GLG1: variants seen among roughly 807,000 people sequenced by gnomAD.
GLG1 encodes the protein Golgi apparatus protein 1.
In GLG1, 38 loss-of-function variants were observed where a neutral mutation model predicts 160.5. The ratio of observed to expected loss-of-function variants is 0.24; its 90% CI spans 0.18 to 0.31. The LOEUF (loss-of-function observed/expected upper bound fraction) is 0.31, where lower values mean the gene tolerates loss of function less well. Among genes scored for constraint, GLG1 ranks in the 10% least tolerant of loss-of-function variants. The pLI, the probability that GLG1 is intolerant of heterozygous loss-of-function variation, is 1.00. For missense variants in GLG1, 1,373 were observed against 1,505.2 expected (o/e 0.91, Z 1.45); for synonymous variants, 644 against 543.4 (o/e 1.19, Z -2.57).
At chr16:74,541,911 TAC>T (rs2017878331) in intron 1 of GLG1, among the ~76,000 whole-genome samples, 1 of 151,652 alleles carries the variant, frequency 6.6e-6, no homozygotes, top group Non-Finnish European at 1.5e-5. Context: ...GTTTAGGATA[TAC>T]ACAGACACCT....
rs755990237 is a variant in GLG1 at position 74,448,314 on chromosome 16, G to C, written c.*4853C>G. The C allele has an allele frequency of 6.6e-6, 1 of 152,218 alleles. No individual in the cohort carries two copies. Among genetic ancestry groups the C allele is most frequent in the Non-Finnish European group, 1.5e-5 (1 of 68,058 alleles). The allele number at this position is 152,218 out of a possible 1,614,324, so 9.4% of individuals were successfully genotyped here. A position where few individuals can be genotyped will look rare whatever the true frequency, so the allele number is the denominator to read the frequency against. On this transcript the variant is annotated 3_prime_UTR_variant, in exon 26 of 26. Transcript: ENST00000422840. ...GCCCTCTAGGAACCAAAGTCTAGTGGAGAGGAGGCGAGTGGGGAGGAAGGA... is the reference window on the plus strand; with the variant it reads ...GCCCTCTAGGAACCAAAGTCTAGTGCAGAGGAGGCGAGTGGGGAGGAAGGA...
intron 1 of GLG1, among the ~76,000 whole-genome samples, chr16:74,572,442 C>G (rs1473176724): frequency 6.8e-6 from 1 of 146,748 alleles, no homozygotes; most frequent in Non-Finnish European, 1.5e-5. Flanking sequence ...ACTTGGGAGG[C>G]GGAGGTTGCA....
At chr16:74,499,698 G>GC (rs1324978921) in intron 4 of GLG1, among the ~76,000 whole-genome samples, 2 of 152,016 alleles carry the variant, frequency 1.3e-5, no homozygotes, top group African/African-American at 4.8e-5. Context: ...AACTACACTG[G>GC]CATTAGGTCA....
Position 74,508,845 on chromosome 16 carries a change from T to C in GLG1, c.552A>G (p.Ile184Met). 1.4e-6 allele frequency: 2 copies of C among 1,413,166 alleles called. No individual in the cohort carries two copies. Among genetic ancestry groups the C allele is most frequent in the Non-Finnish European group, 2.0e-6 (2 of 997,460 alleles). 87.5% of individuals were successfully genotyped at this position (1,413,166 alleles called of 1,614,324 possible). A position where few individuals can be genotyped will look rare whatever the true frequency, so the allele number is the denominator to read the frequency against. Residue 184 changes from isoleucine to methionine, a missense_variant, in exon 3 of 26, where the codon ATA (isoleucine) becomes ATG (methionine). Coordinates refer to ENST00000422840, the MANE Select transcript of GLG1 (RefSeq NM_001145667.2). ...AAATTCTTTGACAACTTACCTCTGT[T>C]ATAGTAGATTTGCAAACCTCTCTGG... is the stretch of plus-strand genomic sequence containing the variant. ...SVAREVCKST[I>M]TEIKECADEP...
At chr16:74,594,675 C>A (rs1325842046) in intron 1 of GLG1, among the ~76,000 whole-genome samples, 1 of 152,100 alleles carries the variant, frequency 6.6e-6, no homozygotes, top group African/African-American at 2.4e-5. Flanking sequence ...CTAAAGCACC[C>A]CTTACAACTC....
Position 74,462,086 on chromosome 16 carries a change from A to C in GLG1, c.3036+8T>G. The C allele has an allele frequency of 1.3e-6, 2 of 1,515,398 alleles. No individual in the cohort carries two copies. The highest frequency in any genetic ancestry group is 1.8e-6 in the Non-Finnish European group (2 of 1,092,614). 93.9% of individuals were successfully genotyped at this position (1,515,398 alleles called of 1,614,324 possible). On this transcript the variant is annotated splice_region_variant and intron_variant, in intron 22 of 25. Coordinates refer to ENST00000422840, the MANE Select transcript of GLG1 (RefSeq NM_001145667.2). ...CTGTGCGTAACCAGTTTTGCACGCA[A>C]ATCCCACCTCGTCTGAGCAGTGCAG...
In GLG1 at chr16:74,564,140, G is replaced by T. The variant is rs12445780; in HGVS notation, c.439-31987C>A. On this transcript the variant is annotated intron_variant, in intron 1 of 25. Transcript: ENST00000422840. ...CTTGCTATGTTGCCTACGCTGTCTTGAACTCCTGGCCTCAGGGATCCTCCC... is the reference window on the plus strand; with the variant it reads ...CTTGCTATGTTGCCTACGCTGTCTTTAACTCCTGGCCTCAGGGATCCTCCC... Among the ~76,000 whole-genome samples, 588 of 152,224 alleles carry T rather than the reference G, an allele frequency of 3.9e-3. 12 individuals carry two copies. Among genetic ancestry groups the T allele is most frequent in the Admixed American group, 0.031 (469 of 15,286 alleles).
At chr16:74,561,603 A>G (rs2018515871) in intron 1 of GLG1, among the ~76,000 whole-genome samples, 1 of 152,222 alleles carries the variant, frequency 6.6e-6, no homozygotes, top group Non-Finnish European at 1.5e-5. Context: ...TTTTCATGCT[A>G]AATCAGCCAG....
intron 10 of GLG1, among the ~76,000 whole-genome samples, chr16:74,481,641 T>C (rs1280631456): frequency 6.6e-6 from 1 of 152,178 alleles, no homozygotes; most frequent in Admixed American, 6.6e-5. Context: ...TAAGAATATA[T>C]TGAATCTTCA....
At chr16:74,527,245 CTTTTTTTT>C (rs71158522) in intron 2 of GLG1, among the ~76,000 whole-genome samples, 2 of 83,100 alleles carry the variant, frequency 2.4e-5, no homozygotes, top group South Asian at 4.3e-4. Context: ...TAAGTCAGTT[CTTTTTTTT>C]TTTTTTTTTT....
rs375128300 is a variant in GLG1 at position 74,499,859 on chromosome 16, C to T, written c.775-3215G>A. 5.3e-5 allele frequency among the ~76,000 whole-genome samples: 8 copies of T among 152,124 alleles called. No homozygotes were observed. The South Asian group carries it at 8.3e-4, about 16-fold the overall frequency. On this transcript the variant is annotated intron_variant, in intron 4 of 25. Coordinates refer to ENST00000422840, the MANE Select transcript of GLG1 (RefSeq NM_001145667.2). The stretch of plus-strand genomic sequence containing the variant: ...TCTACTAAAAATACAAAAAATTAGC[C>T]GGGCATGGTGGCAGGCACCTGTAGT...
chr16:74,585,423 G>C (rs1023320358), intron 1 of GLG1, among the ~76,000 whole-genome samples: 1 of 151,712 alleles, frequency 6.6e-6, no homozygotes, highest in African/African-American at 2.4e-5. Flanking sequence ...AAACAAAAAA[G>C]AGGCCGGGCC....
intron 1 of GLG1, among the ~76,000 whole-genome samples, chr16:74,552,898 A>G (rs2018242035): frequency 6.6e-6 from 1 of 151,984 alleles, no homozygotes; most frequent in Non-Finnish European, 1.5e-5. Context: ...GTTGTGTCAC[A>G]GGCCCTTATT....
At position 74,549,074 on chromosome 16, in the gene GLG1, A is replaced by G. The variant is rs144990330; in HGVS notation, c.439-16921T>C. ...CAGCAAATGAACCAATGTTGGTTCA[A>G]TGAATCAATCTTATACATTCCTCTC... On this transcript the variant is annotated intron_variant, in intron 1 of 25. Transcript: ENST00000422840. Among the ~76,000 whole-genome samples, 4 of 152,368 alleles carry G rather than the reference A, an allele frequency of 2.6e-5. 1 individual carries two copies. The highest frequency in any genetic ancestry group is 9.6e-5 in the African/African-American group (4 of 41,592).
chr16:74,535,976 T>A (rs924269119), intron 1 of GLG1, among the ~76,000 whole-genome samples: 1 of 152,174 alleles, frequency 6.6e-6, no homozygotes, highest in African/African-American at 2.4e-5. Flanking sequence ...AGGAGTATTT[T>A]ATACTACCCG....
At chr16:74,574,547 T>C (rs1050746060) in intron 1 of GLG1, among the ~76,000 whole-genome samples, 1 of 152,074 alleles carries the variant, frequency 6.6e-6, no homozygotes, top group African/African-American at 2.4e-5. Flanking sequence ...GATGAAAGAT[T>C]TCCAAAATAA....
rs1597316879 is a variant in GLG1 at position 74,532,018 on chromosome 16, G to A, written c.471+103C>T. ...TTGTCATCCTTTTAAGATTAAGACT[G>A]TAAGAAAACATAGCACTTCCCAGAA... is the stretch of plus-strand genomic sequence containing the variant. On this transcript the variant is annotated intron_variant, in intron 2 of 25. Coordinates refer to ENST00000422840, the MANE Select transcript of GLG1 (RefSeq NM_001145667.2). 1.8e-5 allele frequency: 9 copies of A among 503,524 alleles called. No individual in the cohort carries two copies. The South Asian group carries it at 3.9e-4, about 22-fold the overall frequency. The allele number at this position is 503,524 out of a possible 1,614,324, so 31.2% of individuals were successfully genotyped here. A position where few individuals can be genotyped will look rare whatever the true frequency, so the allele number is the denominator to read the frequency against.
At chr16:74,546,310 G>T (rs1330883382) in intron 1 of GLG1, among the ~76,000 whole-genome samples, 2 of 152,078 alleles carry the variant, frequency 1.3e-5, no homozygotes, top group African/African-American at 4.8e-5. Context: ...GTGGTGGCAT[G>T]TGCCTGTAGT....
At chr16:74,469,672 C>T (rs986928600) in intron 16 of GLG1, 2 of 339,290 alleles carry the variant, frequency 5.9e-6, no homozygotes, top group South Asian at 5.7e-5. Flanking sequence ...GAGGTCAGTT[C>T]GCCTCTTTCA....
Sources: gnomAD v4.1 joint callset for allele counts (sites outside exome capture counted in the v4.1 genomes callset) on GRCh38, gnomAD v4.1.1 for gene constraint, MANE v1.5 for transcripts, NCBI Gene and HGNC (gene_info 2026-07-23, HGNC 2026-07-21) for gene names.